The following PCDH19 variants were observed in gnomAD, a reference collection of about 807,000 sequenced individuals.
The protein encoded by PCDH19 is protocadherin-19.
A neutral mutation model predicts 46.2 loss-of-function variants in PCDH19; 6 were observed. The ratio of observed to expected loss-of-function variants is 0.13; its 90% CI spans 0.07 to 0.26. The LOEUF (loss-of-function observed/expected upper bound fraction) is 0.26. PCDH19 is among the 10% of genes least tolerant of loss of function. PCDH19 has a pLI of 1.00. For missense variants in PCDH19, 740 were observed against 972.3 expected (o/e 0.76, Z 3.18); for synonymous variants, 481 against 415.7 (o/e 1.16, Z -1.91).
intron 5 of PCDH19, among the ~76,000 whole-genome samples, chrX:100,307,167 C>T (rs946087778): frequency 7.2e-5 from 8 of 111,265 alleles, no homozygotes; most frequent in Non-Finnish European, 1.5e-4. Context: ...ACTAGCCGAC[C>T]GAATCCAACA....
intron 5 of PCDH19, among the ~76,000 whole-genome samples, chrX:100,339,202 C>T (rs1416812472): frequency 8.9e-6 from 1 of 112,119 alleles, no homozygotes; most frequent in Non-Finnish European, 1.9e-5. Flanking sequence ...ACCCAAACCT[C>T]AAGAACAGTT....
chrX:100,310,780 C>T (rs969633122), intron 5 of PCDH19, among the ~76,000 whole-genome samples: 10 of 107,448 alleles, frequency 9.3e-5, no homozygotes, highest in African/African-American at 3.1e-4. Context: ...AAGTCAGATG[C>T]ATTCTACATG....
At chrX:100,350,792 T>C in intron 3 of PCDH19, 88 bp from the exon 4 acceptor site, 1 of 629,221 alleles carries the variant, frequency 1.6e-6, no homozygotes, top group Non-Finnish European at 2.6e-6. Context: ...ATTTTTCTTC[T>C]GGGTCAAGAA....
chrX:100,376,779 T>TA (rs765581658), intron 3 of PCDH19, among the ~76,000 whole-genome samples: 8 of 112,093 alleles, frequency 7.1e-5, no homozygotes, highest in Non-Finnish European at 1.3e-4. Flanking sequence ...TGGCACATGT[T>TA]AAGCATTCAA....
rs376818796 is a variant in PCDH19, at chrX:100,302,823, G to A, written c.2849-5948C>T. On this transcript the variant is annotated intron_variant, in intron 5 of 5. Transcript: ENST00000373034. ...TACATCTATCTCAACCTAGCAAAGCGTCCAGCACAGAGCTGTCAATTAAAC... is the reference window on the plus strand; with the variant it reads ...TACATCTATCTCAACCTAGCAAAGCATCCAGCACAGAGCTGTCAATTAAAC... Among the ~76,000 whole-genome samples, 24 of 111,505 alleles carry A rather than the reference G, an allele frequency of 2.2e-4. No individual in the cohort carries two copies. The East Asian group carries it at 5.6e-3, about 26-fold the overall frequency.
chrX:100,385,849 G>A (rs1000344330), intron 3 of PCDH19, among the ~76,000 whole-genome samples: 2 of 110,763 alleles, frequency 1.8e-5, no homozygotes, highest in Non-Finnish European at 3.8e-5. Context: ...AGCCGAGATC[G>A]AGCCACTGTA....
At chrX:100,317,425 C>T (rs1371675171) in intron 5 of PCDH19, among the ~76,000 whole-genome samples, 1 of 111,346 alleles carries the variant, frequency 9.0e-6, no homozygotes, top group East Asian at 2.8e-4. Context: ...AGAATGAATG[C>T]TCCCCTTCTG....
At chrX:100,352,422 C>T (rs777660034) in intron 3 of PCDH19, among the ~76,000 whole-genome samples, 2 of 112,487 alleles carry the variant, frequency 1.8e-5, no homozygotes, top group East Asian at 5.6e-4. Context: ...ATATTCAGTA[C>T]AATATATAAT....
chrX:100,354,673 A>AAATAATAC (rs1166291965), intron 3 of PCDH19, among the ~76,000 whole-genome samples: 3 of 112,249 alleles, frequency 2.7e-5, no homozygotes. Flanking sequence ...ACATTCTTTA[A>AAATAATAC]AATAATACAA....
chrX:100,404,606 T>C (rs1928288673), intron 1 of PCDH19, among the ~76,000 whole-genome samples: 1 of 78,466 alleles, frequency 1.3e-5, no homozygotes, highest in Non-Finnish European at 2.5e-5. Context: ...AGCACTGAGA[T>C]TTACTCTTTT....
intron 5 of PCDH19, among the ~76,000 whole-genome samples, chrX:100,317,919 G>A (rs1925361143): frequency 8.9e-6 from 1 of 112,137 alleles, no homozygotes; most frequent in Non-Finnish European, 1.9e-5. Flanking sequence ...AAGTTTTGGG[G>A]TGCAGAAAAG....
At position 100,341,934 on chromosome X, in the gene PCDH19, C is replaced by A; in HGVS notation, c.2817G>T (p.Val939=). Residue 939 remains valine (V), a synonymous_variant, in exon 5 of 6, where the codon GTG becomes GTT. Transcript: ENST00000373034. ...CAGGCATCTGAGATCCCATGGAGGT[C>A]ACACTGGTGTTCAGCACATCGTTGA... The part of the protein sequence containing the change: ...TAVNDVLNTS[V]TSMGSQMPDH... The A allele has an allele frequency of 8.3e-7, 1 of 1,210,909 alleles. No individual in the cohort carries two copies. The highest frequency in any genetic ancestry group is 1.1e-6 in the Non-Finnish European group (1 of 894,640).
intron 3 of PCDH19, among the ~76,000 whole-genome samples, chrX:100,363,886 TGAGAGA>T (rs1555980305): frequency 1.0e-5 from 1 of 98,044 alleles, no homozygotes; most frequent in African/African-American, 3.9e-5. Flanking sequence ...TGTGTGTGTG[TGAGAGA>T]GAGGGAGAGG....
In PCDH19 at chrX:100,296,244, T is replaced by G; in HGVS notation, c.*33A>C. On this transcript the variant is annotated 3_prime_UTR_variant, in exon 6 of 6. Transcript: ENST00000373034. ...AAGCTCCTGCTTCTTCACTAGCCAG[T>G]GTGGTTTCTTTCTCTTCTTCCTGGA... The G allele has an allele frequency of 9.2e-7, 1 of 1,089,910 alleles. No individual in the cohort carries two copies. Among genetic ancestry groups the G allele is most frequent in the Non-Finnish European group, 1.3e-6 (1 of 784,313 alleles). The allele number at this position is 1,089,910 out of a possible 1,213,427, so 89.8% of individuals were successfully genotyped here.
Position 100,343,662 on chromosome X carries a change from T to C in PCDH19, c.2676-1587A>G, listed in dbSNP as rs751582339. Among the ~76,000 whole-genome samples the C allele has an allele frequency of 7.2e-5, 8 of 111,881 alleles. No homozygotes were observed. In the East Asian group the frequency reaches 2.3e-3, roughly 32 times the overall value. ...CCCAGCTTTGCTACACCATGAACCA[T>C]AAATTATGCATCTGAAATACCTAGT... On this transcript the variant is annotated intron_variant, in intron 4 of 5. Coordinates refer to ENST00000373034, the MANE Select transcript of PCDH19 (RefSeq NM_001184880.2).
intron 3 of PCDH19, among the ~76,000 whole-genome samples, chrX:100,363,349 C>T: frequency 9.3e-6 from 1 of 107,690 alleles, no homozygotes; most frequent in Non-Finnish European, 1.9e-5. Context: ...CAAATACCTT[C>T]TAGGGGATTT....
chrX:100,339,893 A>G (rs915889107), intron 5 of PCDH19, among the ~76,000 whole-genome samples: 1 of 112,282 alleles, frequency 8.9e-6, no homozygotes, highest in African/African-American at 3.2e-5. Context: ...GTGTTGCCAA[A>G]ATGGCCCAGC....
chrX:100,367,515 C>T (rs185964974), intron 3 of PCDH19, among the ~76,000 whole-genome samples: 1 of 112,032 alleles, frequency 8.9e-6, no homozygotes, highest in East Asian at 2.8e-4. Context: ...GAGAGCTGCT[C>T]TCTGCTTCCA....
At chrX:100,313,270 G>A (rs1925186594) in intron 5 of PCDH19, among the ~76,000 whole-genome samples, 1 of 111,126 alleles carries the variant, frequency 9.0e-6, no homozygotes, top group African/African-American at 3.3e-5. Flanking sequence ...GGGAAACATG[G>A]GGCTAATGGA....
Sources: gnomAD v4.1 joint callset for allele counts (sites outside exome capture counted in the v4.1 genomes callset) on GRCh38, gnomAD v4.1.1 for gene constraint, MANE v1.5 for transcripts, NCBI Gene and HGNC (gene_info 2026-07-23, HGNC 2026-07-21) for gene names.